The following LRBA variants were observed in gnomAD, a reference collection of about 807,000 sequenced individuals.
LRBA encodes the protein lipopolysaccharide-responsive and beige-like anchor protein.
LRBA carries 176 observed loss-of-function variants against 330.0 expected under a neutral mutation model. That is an observed-to-expected ratio of 0.53 (90% CI 0.47 to 0.60). LRBA has a LOEUF of 0.60. Among genes scored for constraint, LRBA ranks in the 20% least tolerant of loss-of-function variants. LRBA has a pLI of 0.00. For missense variants in LRBA, 3,259 were observed against 3,444.8 expected (o/e 0.95, Z 1.35); for synonymous variants, 1,230 against 1,193.0 (o/e 1.03, Z -0.64).
intron 44 of LRBA, among the ~76,000 whole-genome samples, chr4:150,443,847 T>TAAAAAAA (rs376721928): frequency 0.022 from 1,186 of 53,638 alleles, 43 homozygotes; most frequent in African/African-American, 0.057. Context: ...AAAGTATAAT[T>TAAAAAAA]AAAAAAATAT....
At chr4:150,722,043 T>TG (rs1729007309) in intron 36 of LRBA, among the ~76,000 whole-genome samples, 2 of 152,156 alleles carry the variant, frequency 1.3e-5, no homozygotes, top group African/African-American at 4.8e-5. Context: ...TGGTCCTTCA[T>TG]TTGTTGATCA....
intron 37 of LRBA, among the ~76,000 whole-genome samples, chr4:150,604,927 G>A (rs1052896580): frequency 1.3e-5 from 2 of 152,152 alleles, no homozygotes; most frequent in Non-Finnish European, 2.9e-5. Context: ...AGTGGCAGTT[G>A]CACAGTCAGT....
chr4:150,284,462 G>A (rs1273635584), intron 54 of LRBA, among the ~76,000 whole-genome samples: 2 of 152,128 alleles, frequency 1.3e-5, no homozygotes, highest in East Asian at 1.9e-4. Flanking sequence ...TTAAATTACA[G>A]TGTATTAAGT....
intron 29 of LRBA, 91 bp downstream of exon 29, chr4:150,831,726 G>T: frequency 2.0e-6 from 2 of 1,018,908 alleles, no homozygotes; most frequent in Non-Finnish European, 2.8e-6. Context: ...CACAGAAATG[G>T]ATTTAAATTC....
chr4:150,681,599 A>AAG, intron 37 of LRBA, among the ~76,000 whole-genome samples: 1 of 152,194 alleles, frequency 6.6e-6, no homozygotes, highest in East Asian at 1.9e-4. Context: ...ATTGTTTTTT[A>AAG]ATGTAAGATG....
At chr4:150,825,993 A>G (rs1746215197) in intron 30 of LRBA, among the ~76,000 whole-genome samples, 1 of 152,142 alleles carries the variant, frequency 6.6e-6, no homozygotes, top group Non-Finnish European at 1.5e-5. Context: ...CAAAAAAACA[A>G]AACAAAAAAA....
intron 47 of LRBA, among the ~76,000 whole-genome samples, chr4:150,413,047 A>C (rs1049460077): frequency 6.6e-6 from 1 of 151,876 alleles, no homozygotes; most frequent in African/African-American, 2.4e-5. Flanking sequence ...AACAGGCAAA[A>C]TATTTGAATG....
intron 42 of LRBA, among the ~76,000 whole-genome samples, chr4:150,482,261 A>C (rs935179655): frequency 2.6e-5 from 4 of 152,086 alleles, no homozygotes; most frequent in African/African-American, 7.2e-5. Context: ...TGCTTTTTCC[A>C]GAATGTCATA....
chr4:150,851,427 G>C (rs1423675016), intron 23 of LRBA, among the ~76,000 whole-genome samples: 6 of 152,178 alleles, frequency 3.9e-5, no homozygotes, highest in Non-Finnish European at 8.8e-5. Context: ...AGAGGAGAAG[G>C]CTGTGCCTCT....
At chr4:150,809,877 TA>T (rs1743397662) in intron 31 of LRBA, among the ~76,000 whole-genome samples, 1 of 139,384 alleles carries the variant, frequency 7.2e-6, no homozygotes, top group African/African-American at 2.7e-5. Context: ...TACGATACGA[TA>T]CGATACGATA....
At position 150,887,690 on chromosome 4, in the gene LRBA, A is replaced by G. The variant is rs181610375; in HGVS notation, c.2165+5362T>C. ...AGGCTGAGGCAGGAGAATGGCATGA[A>G]CCCAGGAGGCGGAGCTTACAGTGAG... On this transcript the variant is annotated intron_variant, in intron 17 of 56. Transcript: ENST00000651943. Among the ~76,000 whole-genome samples the G allele has an allele frequency of 5.2e-3, 781 of 150,854 alleles. 3 individuals are homozygous for G. Among genetic ancestry groups the G allele is most frequent in the Non-Finnish European group, 8.7e-3 (587 of 67,762 alleles).
At chr4:150,758,849 A>G (rs1201084535) in intron 35 of LRBA, among the ~76,000 whole-genome samples, 1 of 151,706 alleles carries the variant, frequency 6.6e-6, no homozygotes, top group Non-Finnish European at 1.5e-5. Flanking sequence ...TGCTGGAATT[A>G]CAGACAGAAG....
chr4:150,651,164 T>A (rs1393100495), intron 37 of LRBA, among the ~76,000 whole-genome samples: 1 of 152,168 alleles, frequency 6.6e-6, no homozygotes, highest in Non-Finnish European at 1.5e-5. Context: ...ACTTTTACTA[T>A]GGGCTCAATA....
chr4:150,834,772 G>A (rs1747759565), intron 28 of LRBA, among the ~76,000 whole-genome samples: 1 of 152,188 alleles, frequency 6.6e-6, no homozygotes, highest in Admixed American at 6.5e-5. Flanking sequence ...GCCAGGCATT[G>A]ACTTCCTGGT....
intron 2 of LRBA, among the ~76,000 whole-genome samples, chr4:150,944,841 G>T (rs1736069366): frequency 6.6e-6 from 1 of 152,202 alleles, no homozygotes; most frequent in African/African-American, 2.4e-5. Context: ...GAAGGACCCA[G>T]TGGTGGGTAA....
chr4:150,505,932 G>A (rs533764023), intron 40 of LRBA, among the ~76,000 whole-genome samples: 41 of 152,280 alleles, frequency 2.7e-4, no homozygotes, highest in Non-Finnish European at 5.3e-4. Flanking sequence ...ACTACCATCA[G>A]AGAATACTAT....
At chr4:150,798,211 C>T in intron 33 of LRBA, 69 bp from the exon 34 acceptor site, 2 of 978,892 alleles carry the variant, frequency 2.0e-6, no homozygotes, top group Non-Finnish European at 3.3e-6. Context: ...CAATTTCATC[C>T]AAACTGTTTC....
In LRBA at chr4:150,277,902, G is replaced by A. The variant is rs763461852; in HGVS notation, c.8419C>T (p.Pro2807Ser). 2 of 1,614,006 alleles carry A rather than the reference G, an allele frequency of 1.2e-6. No individual in the cohort carries two copies. The highest frequency in any genetic ancestry group is 1.3e-5 in the African/African-American group (1 of 74,894). The change falls in exon 56 of 57, where the codon CCA becomes TCA. Residue 2807 changes from proline (P) to serine (S), a missense_variant. By Grantham distance (74) the Pro-to-Ser change is moderately conservative. Coordinates refer to ENST00000651943, the MANE Select transcript of LRBA (RefSeq NM_001364905.1). ...VSDLKQLFAY[P>S]GCDAGIRAMA... ...GCCCGGATTCCAGCGTCACATCCTG[G>A]ATAGGCAAAGAGCTGCTTGAGGTCC...
intron 36 of LRBA, among the ~76,000 whole-genome samples, chr4:150,686,234 AG>A (rs1436879365): frequency 1.3e-5 from 2 of 152,230 alleles, no homozygotes; most frequent in Non-Finnish European, 2.9e-5. Context: ...AACCTCTGAG[AG>A]ATGTTCACTG....
Sources: allele counts gnomAD v4.1 joint callset (sites outside exome capture counted in the v4.1 genomes callset), GRCh38; gene constraint gnomAD v4.1.1; transcripts MANE v1.5; gene names NCBI Gene and HGNC (gene_info 2026-07-23, HGNC 2026-07-21).